Variants in ABI2 observed in about 807,000 individuals in gnomAD.
The protein encoded by ABI2 is abelson interactor 2.
Under a neutral mutation model 59.2 loss-of-function variants are expected in ABI2, and 25 were observed. The ratio of observed to expected loss-of-function variants is 0.42; its 90% CI spans 0.31 to 0.59. The LOEUF (loss-of-function observed/expected upper bound fraction) is 0.59, where lower values mean the gene tolerates loss of function less well. Ranked by LOEUF, ABI2 falls within the 20% of genes least tolerant of loss-of-function variation. ABI2 has a pLI of 0.14. For synonymous variants in ABI2, 213 were observed against 235.5 expected (o/e 0.90, Z 0.87); for missense variants, 545 against 681.8 (o/e 0.80, Z 2.23).
At chr2:203,345,053 C>T (rs887193996) in intron 1 of ABI2, among the ~76,000 whole-genome samples, 7 of 152,158 alleles carry the variant, frequency 4.6e-5, no homozygotes, top group African/African-American at 1.4e-4. Flanking sequence ...AGTGGCAACC[C>T]GCCGGGGTCC....
chr2:203,406,281 TGTAA>T, intron 9 of ABI2, among the ~76,000 whole-genome samples: 1 of 152,350 alleles, frequency 6.6e-6, no homozygotes, highest in South Asian at 2.1e-4. Flanking sequence ...TAATGTAGCA[TGTAA>T]GTATTGAAGA....
At chr2:203,414,629 T>A (rs959654046) in intron 10 of ABI2, among the ~76,000 whole-genome samples, 4 of 152,280 alleles carry the variant, frequency 2.6e-5, no homozygotes, top group Non-Finnish European at 1.5e-5. Context: ...TTTTGCCTAC[T>A]GCCCTTTTCT....
chr2:203,402,249 G>A (rs1409774328), intron 8 of ABI2, among the ~76,000 whole-genome samples: 1 of 152,122 alleles, frequency 6.6e-6, no homozygotes, highest in Non-Finnish European at 1.5e-5. Context: ...TGGCCAGGCT[G>A]GTCTGAAACT....
At chr2:203,395,067 C>G (rs1445314054) in intron 6 of ABI2, 2 of 717,660 alleles carry the variant, frequency 2.8e-6, no homozygotes, top group African/African-American at 3.5e-5. Flanking sequence ...GACTTCTCTC[C>G]AAGTTTTAAG....
chr2:203,427,033 CAT>C, intron 11 of ABI2, 142 bp from the exon 12 acceptor site: 1 of 631,954 alleles, frequency 1.6e-6, no homozygotes, highest in Non-Finnish European at 2.7e-6. Context: ...GAAAAAAAAA[CAT>C]GTAAGTTTTG....
At chr2:203,331,849 G>T (rs1205682907) in intron 1 of ABI2, among the ~76,000 whole-genome samples, 2 of 136,490 alleles carry the variant, frequency 1.5e-5, no homozygotes, top group African/African-American at 5.5e-5. Flanking sequence ...TCACTCTGTC[G>T]CCCAGGCTGG....
At chr2:203,391,585 C>T (rs913857600) in intron 5 of ABI2, among the ~76,000 whole-genome samples, 3 of 152,040 alleles carry the variant, frequency 2.0e-5, no homozygotes, top group African/African-American at 7.2e-5. Flanking sequence ...TTTTGAGAGA[C>T]CAAAGCGGGC....
intron 4 of ABI2, among the ~76,000 whole-genome samples, chr2:203,384,768 T>TA (rs1315800582): frequency 2.0e-5 from 3 of 152,050 alleles, no homozygotes; most frequent in African/African-American, 7.2e-5. Context: ...TCAAAAGTAA[T>TA]AAAAACTTCT....
At chr2:203,332,381 C>T (rs1463703387) in intron 1 of ABI2, among the ~76,000 whole-genome samples, 1 of 152,034 alleles carries the variant, frequency 6.6e-6, no homozygotes, top group African/African-American at 2.4e-5. Context: ...AATCCCAGCA[C>T]TTTGGGAGGC....
chr2:203,360,246 T>C (rs1340314124), intron 1 of ABI2, among the ~76,000 whole-genome samples: 2 of 149,644 alleles, frequency 1.3e-5, no homozygotes, highest in Admixed American at 1.3e-4. Flanking sequence ...AGTTAGTTAA[T>C]GTGGTCTATT....
At chr2:203,410,092 GATT>G (rs1223860708) in intron 9 of ABI2, among the ~76,000 whole-genome samples, 2 of 152,072 alleles carry the variant, frequency 1.3e-5, no homozygotes, top group African/African-American at 2.4e-5. Flanking sequence ...CTCTCAACTT[GATT>G]ATCTTTCTCA....
At chr2:203,375,195 G>A (rs1230325670) in intron 2 of ABI2, among the ~76,000 whole-genome samples, 1 of 152,196 alleles carries the variant, frequency 6.6e-6, no homozygotes, top group Non-Finnish European at 1.5e-5. Flanking sequence ...AACTGTGGGA[G>A]AATAGTTGTT....
At chr2:203,408,583 G>T (rs771280260) in intron 9 of ABI2, among the ~76,000 whole-genome samples, 5 of 151,648 alleles carry the variant, frequency 3.3e-5, no homozygotes, top group Non-Finnish European at 7.4e-5. Flanking sequence ...ACTGCTGTAG[G>T]TTAAGCACCT....
intron 1 of ABI2, among the ~76,000 whole-genome samples, chr2:203,348,600 A>G (rs2085301216): frequency 6.6e-6 from 1 of 151,798 alleles, no homozygotes; most frequent in Non-Finnish European, 1.5e-5. Context: ...ATTCAACAAT[A>G]ATGTAATATC....
rs554822490 is a variant in ABI2 at position 203,328,780 on chromosome 2, A to G, written c.117+149A>G. 7.7e-5 allele frequency: 33 copies of G among 429,254 alleles called. No individual in the cohort carries two copies. In the East Asian group the frequency reaches 1.2e-3, roughly 15 times the overall value. The allele number at this position is 429,254 out of a possible 1,614,324, so 26.6% of individuals were successfully genotyped here. On this transcript the variant is annotated intron_variant, in intron 1 of 11. Coordinates refer to ENST00000261018, the MANE Select transcript of ABI2 (RefSeq NM_001375670.1). ...GCTGGGTGAGGGCTGGGGCTGGTGAATGGGTGGGAATTCTCCGGCTGGAGA... is the reference window on the plus strand; with the variant it reads ...GCTGGGTGAGGGCTGGGGCTGGTGAGTGGGTGGGAATTCTCCGGCTGGAGA...
intron 11 of ABI2, among the ~76,000 whole-genome samples, chr2:203,420,821 A>G (rs1317714706): frequency 1.3e-5 from 2 of 152,142 alleles, no homozygotes; most frequent in Non-Finnish European, 2.9e-5. Context: ...CTCAGAGAAC[A>G]TGGCGTTCTT....
In ABI2 at chr2:203,394,896, T is replaced by C. The variant is rs2096910312; in HGVS notation, c.725+50T>C. ...ATGTGATGGTCATAGTACCATAATC[T>C]GTTCAGATTACTTCAGGTAAATCTC... On this transcript the variant is annotated intron_variant, in intron 6 of 11. Transcript: ENST00000261018. The C allele has an allele frequency of 2.5e-6, 4 of 1,586,688 alleles. No homozygotes were observed. The South Asian group carries it at 3.3e-5, about 13-fold the overall frequency.
chr2:203,407,349 A>G (rs761785502), intron 9 of ABI2, among the ~76,000 whole-genome samples: 2 of 152,216 alleles, frequency 1.3e-5, no homozygotes, highest in Admixed American at 6.5e-5. Context: ...CATGGGCTAT[A>G]TAATATATAT....
intron 11 of ABI2, among the ~76,000 whole-genome samples, chr2:203,419,103 G>T (rs1031816461): frequency 2.1e-5 from 3 of 144,264 alleles, no homozygotes; most frequent in Admixed American, 1.4e-4. Context: ...CTAAATTAAA[G>T]ATCTTTTTTT....
Sources: gnomAD v4.1 joint callset for allele counts (sites outside exome capture counted in the v4.1 genomes callset) on GRCh38, gnomAD v4.1.1 for gene constraint, MANE v1.5 for transcripts, NCBI Gene and HGNC (gene_info 2026-07-23, HGNC 2026-07-21) for gene names.